Variants in UGGT2 observed in about 807,000 individuals in gnomAD.
The protein encoded by UGGT2 is UDP-glucose glycoprotein glucosyltransferase 2.
Under a neutral mutation model 192.1 loss-of-function variants are expected in UGGT2, and 180 were observed. The ratio of observed to expected loss-of-function variants is 0.94; its 90% CI spans 0.83 to 1.06. The LOEUF (loss-of-function observed/expected upper bound fraction) is 1.06. UGGT2 is among the 50% of genes least tolerant of loss of function. The pLI is 0.00. For missense variants in UGGT2, 1,849 were observed against 1,795.7 expected (o/e 1.03, Z -0.54); for synonymous variants, 580 against 591.0 (o/e 0.98, Z 0.27).
Position 95,981,210 on chromosome 13 carries a change from A to G in UGGT2, c.1092+2594T>C. Among the ~76,000 whole-genome samples, 3 of 8,152 alleles carry G rather than the reference A, an allele frequency of 3.7e-4. 1 individual carries two copies. The highest frequency in any genetic ancestry group is 0.1 in the Middle Eastern group (2 of 20). 5.3% of individuals were successfully genotyped at this position (8,152 alleles called of 152,430 possible). A position where few individuals can be genotyped will look rare whatever the true frequency, so the allele number is the denominator to read the frequency against. On this transcript the variant is annotated intron_variant, in intron 10 of 38. Coordinates refer to ENST00000376747, the MANE Select transcript of UGGT2 (RefSeq NM_020121.4). ...CCGGGCGCGGTGGCTCACGCCTGTAATCCCAGCACTTTGGGAGGCAGAGGC... is the reference window on the plus strand; with the variant it reads ...CCGGGCGCGGTGGCTCACGCCTGTAGTCCCAGCACTTTGGGAGGCAGAGGC...
intron 5 of UGGT2, among the ~76,000 whole-genome samples, chr13:96,005,045 C>G (rs964977132): frequency 1.3e-5 from 2 of 152,016 alleles, no homozygotes; most frequent in Non-Finnish European, 2.9e-5. Context: ...TAATCTTCAA[C>G]TTTATTTTTA....
rs770226141 is a variant in UGGT2 at position 95,887,875 on chromosome 13, T to C, written c.3038+17A>G. 1 of 1,495,696 alleles carries C rather than the reference T, an allele frequency of 6.7e-7. No homozygotes were observed. Among genetic ancestry groups the C allele is most frequent in the Non-Finnish European group, 9.2e-7 (1 of 1,091,876 alleles). 92.7% of individuals were successfully genotyped at this position (1,495,696 alleles called of 1,614,324 possible). On this transcript the variant is annotated intron_variant, in intron 26 of 38. Coordinates refer to ENST00000376747, the MANE Select transcript of UGGT2 (RefSeq NM_020121.4). ...TTACAAATTTTTCAAAATGAAATTT[T>C]GTTCACTCAGATTTACCTTTCTAAA...
At chr13:95,845,999 C>A (rs1202841634) in intron 36 of UGGT2, among the ~76,000 whole-genome samples, 2 of 152,050 alleles carry the variant, frequency 1.3e-5, no homozygotes, top group African/African-American at 4.8e-5. Context: ...CAGGCAGAGA[C>A]GCTCCTCACT....
chr13:95,870,159 A>G, intron 29 of UGGT2, among the ~76,000 whole-genome samples: 1 of 152,198 alleles, frequency 6.6e-6, no homozygotes, highest in Middle Eastern at 3.2e-3. Context: ...GGACCACCTC[A>G]AAGTTTTAAA....
chr13:95,936,883 A>G, intron 17 of UGGT2, 41 bp downstream of exon 17: 1 of 1,424,050 alleles, frequency 7.0e-7, no homozygotes, highest in Non-Finnish European at 9.3e-7. Context: ...AACATCATTT[A>G]TAAATATTCA....
At chr13:95,884,724 ATT>A (rs2047597044) in intron 26 of UGGT2, 44 bp from the exon 27 acceptor site, 1 of 1,515,298 alleles carries the variant, frequency 6.6e-7, no homozygotes, top group South Asian at 1.3e-5. Flanking sequence ...CAAAACTGAG[ATT>A]TTTCTTTTAA....
At chr13:95,833,150 A>T in intron 37 of UGGT2, 97 bp from the exon 38 acceptor site, 1 of 1,389,810 alleles carries the variant, frequency 7.2e-7, no homozygotes, top group Non-Finnish European at 9.7e-7. Context: ...CATTTTATAA[A>T]AAGCAGAGTC....
intron 12 of UGGT2, among the ~76,000 whole-genome samples, chr13:95,952,035 G>T (rs2050079294): frequency 6.7e-6 from 1 of 148,550 alleles, no homozygotes; most frequent in African/African-American, 2.5e-5. Context: ...TCCAGCCTGG[G>T]CAATAGAGCG....
intron 38 of UGGT2, among the ~76,000 whole-genome samples, chr13:95,808,103 A>G (rs1486978631): frequency 6.6e-6 from 1 of 152,108 alleles, no homozygotes; most frequent in African/African-American, 2.4e-5. Context: ...AGCATTGCCC[A>G]ATATCAAAAG....
intron 12 of UGGT2, among the ~76,000 whole-genome samples, chr13:95,964,786 C>T (rs1210714708): frequency 6.6e-6 from 1 of 152,224 alleles, no homozygotes; most frequent in East Asian, 1.9e-4. Context: ...GCAAAAGAAA[C>T]TACCATCAGT....
intron 1 of UGGT2, among the ~76,000 whole-genome samples, chr13:96,035,947 C>T (rs1473787821): frequency 6.6e-6 from 1 of 152,182 alleles, no homozygotes; most frequent in Non-Finnish European, 1.5e-5. Context: ...AATGCTTCTA[C>T]ACTGTTGGTG....
rs778966077 is a variant in UGGT2, at chr13:95,925,713, C to G, written c.2262G>C (p.Gly754=). ...TTAATGCATTAAAAAGAAGTTTTCT[C>G]CCAGAAGGCTTATCAAAATCTGCAA... ...WIIADFDKPS[G]RKLLFNALKH... Residue 754 remains glycine (G), a synonymous_variant, in exon 20 of 39, where the codon GGG becomes GGC. Transcript: ENST00000376747. 1.3e-6 allele frequency: 2 copies of G among 1,578,964 alleles called. No homozygotes were observed. Among genetic ancestry groups the G allele is most frequent in the African/African-American group, 2.7e-5 (2 of 74,278 alleles).
intron 20 of UGGT2, among the ~76,000 whole-genome samples, chr13:95,913,125 C>T (rs1432606496): frequency 2.0e-5 from 3 of 152,092 alleles, no homozygotes; most frequent in Non-Finnish European, 4.4e-5. Flanking sequence ...GACCTAAAAC[C>T]ACAAAACCCC....
chr13:95,933,247 AT>A (rs1157877773), intron 17 of UGGT2, among the ~76,000 whole-genome samples: 2 of 152,072 alleles, frequency 1.3e-5, no homozygotes, highest in African/African-American at 2.4e-5. Flanking sequence ...TTTATTACTG[AT>A]TCAATTATGG....
At chr13:95,906,294 TTGAC>T (rs1005013669) in intron 20 of UGGT2, among the ~76,000 whole-genome samples, 120 of 152,292 alleles carry the variant, frequency 7.9e-4, no homozygotes, top group African/African-American at 2.8e-3. Flanking sequence ...TTATTGGACA[TTGAC>T]TGGTATTAAA....
At chr13:96,040,838 C>T (rs2053144530) in intron 1 of UGGT2, among the ~76,000 whole-genome samples, 1 of 151,984 alleles carries the variant, frequency 6.6e-6, no homozygotes. Context: ...ACTCTCAAGG[C>T]AAATGTAAAG....
chr13:96,029,883 A>G (rs375159598), intron 2 of UGGT2, among the ~76,000 whole-genome samples: 1 of 152,368 alleles, frequency 6.6e-6, no homozygotes, highest in South Asian at 2.1e-4. Flanking sequence ...TATATGGGAC[A>G]GATATATTGA....
chr13:96,043,185 C>T (rs1168160345), intron 1 of UGGT2, among the ~76,000 whole-genome samples: 3 of 152,204 alleles, frequency 2.0e-5, no homozygotes, highest in African/African-American at 7.2e-5. Context: ...AGAAACCCTA[C>T]AAGCTAGAAG....
At chr13:96,014,689 G>C (rs1211615699) in intron 4 of UGGT2, among the ~76,000 whole-genome samples, 3 of 152,152 alleles carry the variant, frequency 2.0e-5, no homozygotes, top group African/African-American at 4.8e-5. Context: ...CACTGAATTT[G>C]CTGTCTTTCT....
Sources: gnomAD v4.1 joint callset for allele counts (sites outside exome capture counted in the v4.1 genomes callset) on GRCh38, gnomAD v4.1.1 for gene constraint, MANE v1.5 for transcripts, NCBI Gene and HGNC (gene_info 2026-07-23, HGNC 2026-07-21) for gene names.